CBLB: variants seen among roughly 807,000 people sequenced by gnomAD.
CBLB encodes E3 ubiquitin-protein ligase CBL-B.
A neutral mutation model predicts 104.9 loss-of-function variants in CBLB; 31 were observed. The observed-to-expected ratio is 0.30, with a 90% CI of 0.22 to 0.40. The LOEUF (loss-of-function observed/expected upper bound fraction) is 0.40, where lower values mean the gene tolerates loss of function less well. Among genes scored for constraint, CBLB ranks in the 10% least tolerant of loss-of-function variants. The pLI, the probability that CBLB is intolerant of heterozygous loss-of-function variation, is 1.00. For synonymous variants in CBLB, 440 were observed against 422.6 expected (o/e 1.04, Z -0.51); for missense variants, 1,062 against 1,214.6 (o/e 0.87, Z 1.87).
At chr3:105,776,360 G>GAT in intron 4 of CBLB, 36 bp downstream of exon 4, 3 of 1,594,534 alleles carry the variant, frequency 1.9e-6, no homozygotes, top group Non-Finnish European at 2.6e-6. Context: ...ACCCTTGAAA[G>GAT]ATAGATCCAC....
intron 3 of CBLB, among the ~76,000 whole-genome samples, chr3:105,806,489 A>AAAT (rs1404545606): frequency 6.6e-6 from 1 of 151,534 alleles, no homozygotes; most frequent in African/African-American, 2.4e-5. Flanking sequence ...CAAAAAAAAA[A>AAAT]AAAAAACAGA....
intron 10 of CBLB, among the ~76,000 whole-genome samples, chr3:105,715,762 G>A (rs1054640673): frequency 6.6e-6 from 1 of 152,202 alleles, no homozygotes; most frequent in Non-Finnish European, 1.5e-5. Flanking sequence ...CCAGGCACCA[G>A]GCACGGTGGC....
At chr3:105,855,554 T>G (rs1291012937) in intron 2 of CBLB, among the ~76,000 whole-genome samples, 1 of 152,204 alleles carries the variant, frequency 6.6e-6, no homozygotes, top group Non-Finnish European at 1.5e-5. Context: ...TAATAGAACT[T>G]TTTTTAAAAG....
chr3:105,658,637 A>G lies in CBLB; in HGVS notation c.*333T>C. 1 of 401,778 alleles carries G rather than the reference A, an allele frequency of 2.5e-6. No homozygotes were observed. Among genetic ancestry groups the G allele is most frequent in the Non-Finnish European group, 4.6e-6 (1 of 219,166 alleles). The allele number at this position is 401,778 out of a possible 1,614,324, so 24.9% of individuals were successfully genotyped here. ...TATCAAAACACCAAAACAAAACTAAACTAAAAACAAGAACAAACTGCAACT... is the reference window on the plus strand; with the variant it reads ...TATCAAAACACCAAAACAAAACTAAGCTAAAAACAAGAACAAACTGCAACT... On this transcript the variant is annotated 3_prime_UTR_variant, in exon 19 of 19. Transcript: ENST00000394030.
At chr3:105,660,335 G>A (rs2063664741) in intron 18 of CBLB, among the ~76,000 whole-genome samples, 1 of 151,094 alleles carries the variant, frequency 6.6e-6, no homozygotes, top group Non-Finnish European at 1.5e-5. Context: ...TTACAGGCGT[G>A]CACCACCATG....
In CBLB at chr3:105,702,377, G is replaced by A. The variant is rs753648687; in HGVS notation, c.1676C>T (p.Pro559Leu). The change falls in exon 12 of 19, where the codon CCT (proline) becomes CTT (leucine). Residue 559 changes from proline to leucine, a missense_variant. By Grantham distance (98) the Pro-to-Leu change is moderately conservative. This residue lies in a region of CBLB where 605 missense variants were observed against 582.6 expected (regional missense o/e 1.04). Coordinates refer to ENST00000394030, the MANE Select transcript of CBLB (RefSeq NM_170662.5). Reference sequence around the variant, plus strand: ...TGGTGGGATTGGTGGAGGTCTTTCAGGTGGCGGTGGAGGAGGATCTCTTAA... The same window carrying A: ...TGGTGGGATTGGTGGAGGTCTTTCAAGTGGCGGTGGAGGAGGATCTCTTAA... Reference protein sequence around the residue: ...PPLRDPPPPPPERPPPIPPDN... With the variant: ...PPLRDPPPPPLERPPPIPPDN... The A allele has an allele frequency of 3.1e-6, 5 of 1,612,880 alleles. No individual in the cohort carries two copies. The South Asian group carries it at 4.4e-5, about 14-fold the overall frequency.
At chr3:105,822,050 G>A (rs78619967) in intron 3 of CBLB, among the ~76,000 whole-genome samples, 3,364 of 152,042 alleles carry the variant, frequency 0.022, 85 homozygotes, top group East Asian at 0.12. Flanking sequence ...TCATCATATG[G>A]ATGTATAAGT....
intron 3 of CBLB, among the ~76,000 whole-genome samples, chr3:105,803,377 C>T (rs960810702): frequency 5.9e-5 from 9 of 152,074 alleles, no homozygotes; most frequent in East Asian, 3.9e-4. Flanking sequence ...GATTCTCCTC[C>T]GTAAGTGCTA....
chr3:105,834,192 A>C (rs2088054102), intron 3 of CBLB, among the ~76,000 whole-genome samples: 1 of 152,030 alleles, frequency 6.6e-6, no homozygotes, highest in African/African-American at 2.4e-5. Context: ...TGTACTGTAT[A>C]TTGAAAATTG....
At chr3:105,733,931 C>T (rs2074620621) in intron 9 of CBLB, 78 bp downstream of exon 9, 3 of 1,386,034 alleles carry the variant, frequency 2.2e-6, no homozygotes, top group Admixed American at 3.4e-5. Flanking sequence ...GCATTACTTC[C>T]TAAACCATTA....
intron 10 of CBLB, among the ~76,000 whole-genome samples, chr3:105,717,412 C>T (rs965332343): frequency 2.0e-5 from 3 of 152,140 alleles, no homozygotes; most frequent in African/African-American, 7.2e-5. Context: ...AGACCTGGGG[C>T]TGCAAACTTT....
chr3:105,763,414 T>C (rs1287836591), intron 4 of CBLB, among the ~76,000 whole-genome samples: 2 of 152,206 alleles, frequency 1.3e-5, no homozygotes, highest in Non-Finnish European at 2.9e-5. Flanking sequence ...GCTCCCATAA[T>C]TCCCACATGT....
intron 3 of CBLB, among the ~76,000 whole-genome samples, chr3:105,786,272 CTTTCT>C (rs937145176): frequency 6.7e-6 from 1 of 149,834 alleles, no homozygotes; most frequent in Admixed American, 6.7e-5. Context: ...TATGGTTTTT[CTTTCT>C]TTTATTCTTT....
intron 9 of CBLB, among the ~76,000 whole-genome samples, chr3:105,731,432 A>T (rs947909600): frequency 2.6e-5 from 4 of 152,206 alleles, no homozygotes; most frequent in Admixed American, 1.3e-4. Context: ...CACTTTGCTC[A>T]AAGTTGCAGT....
intron 3 of CBLB, among the ~76,000 whole-genome samples, chr3:105,779,692 G>A (rs764740358): frequency 2.0e-5 from 3 of 150,710 alleles, no homozygotes; most frequent in African/African-American, 7.3e-5. Context: ...AAAAAAAAAA[G>A]AGAAAGAGAA....
At chr3:105,735,113 TAA>T (rs746625668) in intron 8 of CBLB, among the ~76,000 whole-genome samples, 1 of 152,188 alleles carries the variant, frequency 6.6e-6, no homozygotes, top group Non-Finnish European at 1.5e-5. Context: ...GTAGGATAAA[TAA>T]ATAATAATAT....
At chr3:105,672,040 A>C (rs2065115939) in intron 17 of CBLB, 1 of 192,876 alleles carries the variant, frequency 5.2e-6, no homozygotes, top group Admixed American at 6.1e-5. Context: ...CATAAAATTT[A>C]CTTTAGGTTC....
At chr3:105,668,441 C>T (rs2064710084) in intron 18 of CBLB, among the ~76,000 whole-genome samples, 1 of 152,104 alleles carries the variant, frequency 6.6e-6, no homozygotes, top group African/African-American at 2.4e-5. Flanking sequence ...TCTTTTAATC[C>T]AGAGCTGGTG....
In CBLB at chr3:105,678,331, G is replaced by A. The variant is rs1447042633; in HGVS notation, c.2569+100C>T. 3 of 1,173,564 alleles carry A rather than the reference G, an allele frequency of 2.6e-6. No homozygotes were observed. In the African/African-American group the frequency reaches 4.5e-5, roughly 18 times the overall value. The allele number at this position is 1,173,564 out of a possible 1,614,324, so 72.7% of individuals were successfully genotyped here. ...CCCAGGGATTTTTCTGTTCTGCTAG[G>A]GAGGTAGAGACTAATGAATCACTAA... On this transcript the variant is annotated intron_variant, in intron 17 of 18. Transcript: ENST00000394030.
Sources: allele counts gnomAD v4.1 joint callset (sites outside exome capture counted in the v4.1 genomes callset), GRCh38; gene constraint gnomAD v4.1.1; regional missense constraint gnomAD v4.1.1; transcripts MANE v1.5; gene names NCBI Gene and HGNC (gene_info 2026-07-23, HGNC 2026-07-21).